Variants in PRKCB observed in about 807,000 individuals in gnomAD.
PRKCB encodes the protein protein kinase C beta type.
PRKCB carries 13 observed loss-of-function variants against 81.5 expected under a neutral mutation model. The observed-to-expected ratio is 0.16, with a 90% CI of 0.10 to 0.25. The LOEUF is 0.25. Ranked by LOEUF, PRKCB falls within the 10% of genes least tolerant of loss-of-function variation. The pLI, the probability that PRKCB is intolerant of heterozygous loss-of-function variation, is 1.00. For synonymous variants in PRKCB, 335 were observed against 321.4 expected (o/e 1.04, Z -0.45); for missense variants, 509 against 875.7 (o/e 0.58, Z 5.29).
intron 5 of PRKCB, among the ~76,000 whole-genome samples, chr16:24,075,803 A>G (rs941343858): frequency 1.3e-5 from 2 of 152,218 alleles, no homozygotes; most frequent in Non-Finnish European, 2.9e-5. Flanking sequence ...GCTGGCTTCA[A>G]CAACACTGGT....
At chr16:24,213,095 C>T (rs192153914) in intron 16 of PRKCB, among the ~76,000 whole-genome samples, 28 of 151,786 alleles carry the variant, frequency 1.8e-4, no homozygotes, top group African/African-American at 5.8e-4. Flanking sequence ...AGTGCAGTGG[C>T]GCGATCTCAG....
intron 9 of PRKCB, among the ~76,000 whole-genome samples, chr16:24,146,070 C>T (rs890660460): frequency 6.6e-6 from 1 of 152,126 alleles, no homozygotes; most frequent in African/African-American, 2.4e-5. Context: ...CAGGGGAAGA[C>T]AGAGGCAGAG....
At chr16:23,895,362 G>A (rs1204686163) in intron 2 of PRKCB, among the ~76,000 whole-genome samples, 1 of 152,006 alleles carries the variant, frequency 6.6e-6, no homozygotes, top group Non-Finnish European at 1.5e-5. Flanking sequence ...TTATTCTTCA[G>A]TTCAACTTTT....
At chr16:24,137,382 T>G (rs1966868745) in intron 9 of PRKCB, among the ~76,000 whole-genome samples, 1 of 151,522 alleles carries the variant, frequency 6.6e-6, no homozygotes, top group African/African-American at 2.4e-5. Flanking sequence ...AGAGATGGGA[T>G]CTCATTATGT....
chr16:24,039,609 T>G (rs1965673722), intron 5 of PRKCB, among the ~76,000 whole-genome samples: 1 of 152,216 alleles, frequency 6.6e-6, no homozygotes, highest in African/African-American at 2.4e-5. Context: ...CAGTTACTGC[T>G]GTAGGCTGCT....
chr16:23,963,305 A>G (rs2052752020), intron 2 of PRKCB: 1 of 152,218 alleles, frequency 6.6e-6, no homozygotes. Context: ...CACGGTTACA[A>G]AGTGTTCAGC....
chr16:23,922,466 C>A (rs759329831), intron 2 of PRKCB, among the ~76,000 whole-genome samples: 1 of 152,236 alleles, frequency 6.6e-6, no homozygotes, highest in African/African-American at 2.4e-5. Context: ...TAGGCTAGAT[C>A]TCTGCAACCT....
Position 24,032,267 on chromosome 16 carries a change from G to A in PRKCB, c.400+20G>A. The A allele has an allele frequency of 6.5e-7, 1 of 1,547,174 alleles. No homozygotes were observed. Among genetic ancestry groups the A allele is most frequent in the Non-Finnish European group, 8.9e-7 (1 of 1,120,638 alleles). ...GTGACAGTAAGTACTTTTTCTCTCT[G>A]GGGGCATCTGCTGATGGCAGAAGCA... On this transcript the variant is annotated intron_variant, in intron 4 of 16. Coordinates refer to ENST00000643927, the MANE Select transcript of PRKCB (RefSeq NM_002738.7).
chr16:24,112,128 A>C (rs1966683078), intron 7 of PRKCB, among the ~76,000 whole-genome samples: 1 of 152,176 alleles, frequency 6.6e-6, no homozygotes, highest in Non-Finnish European at 1.5e-5. Context: ...TTTTGCAGAG[A>C]AAATAGCATC....
intron 10 of PRKCB, among the ~76,000 whole-genome samples, chr16:24,162,442 C>T (rs11649608): frequency 0.02 from 1,377 of 68,618 alleles, 38 homozygotes; most frequent in South Asian, 0.057. Flanking sequence ...ACAGAGAAGA[C>T]TTTTTTTTTT....
chr16:23,989,994 A>G (rs1381010790), intron 3 of PRKCB, among the ~76,000 whole-genome samples: 1 of 152,148 alleles, frequency 6.6e-6, no homozygotes, highest in Admixed American at 6.5e-5. Context: ...GTACAAGGAT[A>G]TAATGCTTGG....
intron 2 of PRKCB, among the ~76,000 whole-genome samples, chr16:23,858,534 A>T (rs553730784): frequency 1.2e-5 from 1 of 84,382 alleles, no homozygotes; most frequent in African/African-American, 5.1e-5. Context: ...GAATACTTCC[A>T]TCAAACTGTT....
intron 2 of PRKCB, among the ~76,000 whole-genome samples, chr16:23,873,202 A>AAAAAG (rs1555480622): frequency 1.2e-5 from 1 of 83,404 alleles, no homozygotes; most frequent in Non-Finnish European, 2.3e-5. Flanking sequence ...AAAAAAAAAA[A>AAAAAG]AAAAAAAGAA....
At chr16:23,890,907 C>T (rs1311977524) in intron 2 of PRKCB, among the ~76,000 whole-genome samples, 1 of 152,090 alleles carries the variant, frequency 6.6e-6, no homozygotes, top group African/African-American at 2.4e-5. Context: ...TCTTCCCTCT[C>T]ACTTCATCCC....
chr16:24,217,982 T>C lies in PRKCB; in HGVS notation c.*3166T>C. ...AGTAAAGTTTCTGGCTCGGGGACAA[T>C]TATAAGTTGCAAAAAGGATAGAGGC... On this transcript the variant is annotated 3_prime_UTR_variant, in exon 17 of 17. Coordinates refer to ENST00000643927, the MANE Select transcript of PRKCB (RefSeq NM_002738.7). 1.0e-6 allele frequency: 1 copy of C among 985,334 alleles called. No homozygotes were observed. 61.0% of individuals were successfully genotyped at this position (985,334 alleles called of 1,614,324 possible). A position where few individuals can be genotyped will look rare whatever the true frequency, so the allele number is the denominator to read the frequency against.
At chr16:24,011,732 G>T (rs1965205427) in intron 3 of PRKCB, among the ~76,000 whole-genome samples, 1 of 151,958 alleles carries the variant, frequency 6.6e-6, no homozygotes, top group Non-Finnish European at 1.5e-5. Flanking sequence ...GCCCGGATGG[G>T]TCTTAGCCTC....
intron 11 of PRKCB, among the ~76,000 whole-genome samples, chr16:24,173,773 A>G (rs1041425415): frequency 3.3e-5 from 5 of 152,186 alleles, no homozygotes; most frequent in Non-Finnish European, 7.3e-5. Flanking sequence ...GTTGTTTCTT[A>G]TTCCAGCTGC....
chr16:23,912,510 T>C (rs1029237906), intron 2 of PRKCB, among the ~76,000 whole-genome samples: 179 of 115,888 alleles, frequency 1.5e-3, no homozygotes, highest in African/African-American at 5.6e-3. Flanking sequence ...CTTTCTTCTT[T>C]TTTTTTTTTT....
chr16:23,893,880 A>G (rs1439790915), intron 2 of PRKCB: 3 of 152,228 alleles, frequency 2.0e-5, no homozygotes, highest in African/African-American at 7.2e-5. Context: ...TCTTTATGGA[A>G]AGCTATTTCT....
Sources: gnomAD v4.1 joint callset for allele counts (sites outside exome capture counted in the v4.1 genomes callset) on GRCh38, gnomAD v4.1.1 for gene constraint, MANE v1.5 for transcripts, NCBI Gene and HGNC (gene_info 2026-07-23, HGNC 2026-07-21) for gene names.